BCAS1: variants seen among roughly 807,000 people sequenced by gnomAD.
BCAS1 encodes brain enriched myelin associated protein 1, also known as breast carcinoma-amplified sequence 1.
In BCAS1, 46 loss-of-function variants were observed where a neutral mutation model predicts 65.4. The ratio of observed to expected loss-of-function variants is 0.70; its 90% CI spans 0.55 to 0.90. The LOEUF (loss-of-function observed/expected upper bound fraction) is 0.90. Among genes scored for constraint, BCAS1 ranks in the 40% least tolerant of loss-of-function variants. The pLI, the probability that BCAS1 is intolerant of heterozygous loss-of-function variation, is 0.00. For synonymous variants in BCAS1, 298 were observed against 293.5 expected, an observed-to-expected ratio of 1.02 and a Z score of -0.16; for missense variants, 793 against 771.2, an observed-to-expected ratio of 1.03 and a Z score of -0.33.
At chr20:54,033,480 C>G (rs554560799) in intron 3 of BCAS1, among the ~76,000 whole-genome samples, 1 of 151,032 alleles carries the variant, frequency 6.6e-6, no homozygotes, top group Admixed American at 6.6e-5. Context: ...ACCACTGACC[C>G]CACAGAAGTA....
intron 1 of BCAS1, among the ~76,000 whole-genome samples, chr20:54,062,228 A>T (rs112426793): frequency 1.3e-4 from 20 of 152,244 alleles, no homozygotes; most frequent in African/African-American, 4.8e-4. Context: ...AACAATGACA[A>T]CAACTCTAAA....
Position 54,053,441 on chromosome 20 carries a change from T to G in BCAS1, c.142+4644A>C, listed in dbSNP as rs145027673. Reference sequence around the variant, plus strand: ...AAAGAGGTATTTTCCCTGATTGATATCTCTCACATTGTATCGAAAGACAAA... The same window carrying G: ...AAAGAGGTATTTTCCCTGATTGATAGCTCTCACATTGTATCGAAAGACAAA... On this transcript the variant is annotated intron_variant, in intron 3 of 12. Coordinates refer to ENST00000688948, the MANE Select transcript of BCAS1 (RefSeq NM_001366298.2). 2.9e-3 allele frequency among the ~76,000 whole-genome samples: 438 copies of G among 152,274 alleles called. 2 individuals are homozygous for G. Among genetic ancestry groups the G allele is most frequent in the African/African-American group, 9.9e-3 (413 of 41,560 alleles).
At chr20:54,017,405 T>TTTC (rs1411593945) in intron 4 of BCAS1, among the ~76,000 whole-genome samples, 3 of 133,982 alleles carry the variant, frequency 2.2e-5, no homozygotes, top group East Asian at 4.0e-4. Context: ...TTTTCTTTTT[T>TTTC]TTTTTTTTGA....
At chr20:53,964,318 T>C (rs915227212) in intron 10 of BCAS1, among the ~76,000 whole-genome samples, 2 of 152,336 alleles carry the variant, frequency 1.3e-5, no homozygotes, top group African/African-American at 4.8e-5. Context: ...GTAGGGACTT[T>C]AGTAAGCTGG....
intron 4 of BCAS1, among the ~76,000 whole-genome samples, chr20:54,013,867 AAG>A (rs1174569850): frequency 1.3e-5 from 2 of 152,234 alleles, no homozygotes; most frequent in Non-Finnish European, 2.9e-5. Flanking sequence ...AAGAAAGAAA[AAG>A]AATTTATGTT....
At chr20:54,023,133 G>T (rs1345762206) in intron 4 of BCAS1, among the ~76,000 whole-genome samples, 1 of 152,186 alleles carries the variant, frequency 6.6e-6, no homozygotes, top group Non-Finnish European at 1.5e-5. Flanking sequence ...TTGAAATTCG[G>T]TAATTCTTTT....
intron 1 of BCAS1, among the ~76,000 whole-genome samples, chr20:54,066,448 T>C (rs1488175694): frequency 6.6e-6 from 1 of 152,212 alleles, no homozygotes; most frequent in Non-Finnish European, 1.5e-5. Flanking sequence ...TCACTTAAGA[T>C]CATGCTATGG....
At chr20:53,990,584 A>G (rs1368427635) in intron 7 of BCAS1, among the ~76,000 whole-genome samples, 1 of 152,014 alleles carries the variant, frequency 6.6e-6, no homozygotes, top group Non-Finnish European at 1.5e-5. Flanking sequence ...CAGGTGACAA[A>G]CCCATGGGGA....
chr20:54,013,996 G>A (rs575397783), intron 4 of BCAS1, among the ~76,000 whole-genome samples: 226 of 152,234 alleles, frequency 1.5e-3, no homozygotes, highest in African/African-American at 4.7e-3. Context: ...AATATGTTAC[G>A]TATTAAAATT....
intron 4 of BCAS1, among the ~76,000 whole-genome samples, chr20:54,026,448 C>A (rs1350977443): frequency 6.6e-6 from 1 of 152,128 alleles, no homozygotes; most frequent in East Asian, 1.9e-4. Context: ...CATTGGAGGG[C>A]TGGCTATTCT....
chr20:53,993,808 C>T (rs899930383), intron 6 of BCAS1, among the ~76,000 whole-genome samples: 7 of 152,186 alleles, frequency 4.6e-5, no homozygotes, highest in Non-Finnish European at 5.9e-5. Flanking sequence ...GCTTCAGATA[C>T]ATATTTTTTT....
intron 3 of BCAS1, among the ~76,000 whole-genome samples, chr20:54,044,572 T>C (rs1770079213): frequency 6.6e-6 from 1 of 152,198 alleles, no homozygotes; most frequent in Admixed American, 6.5e-5. Flanking sequence ...GCGCGGTGGC[T>C]CATGCCTATA....
intron 1 of BCAS1, among the ~76,000 whole-genome samples, chr20:54,063,086 C>A (rs985096841): frequency 2.0e-5 from 3 of 152,162 alleles, no homozygotes; most frequent in Non-Finnish European, 4.4e-5. Context: ...CCTTCAGTGC[C>A]CCAAAGGTCC....
At chr20:54,027,450 G>C (rs918681869) in intron 4 of BCAS1, among the ~76,000 whole-genome samples, 4 of 152,192 alleles carry the variant, frequency 2.6e-5, no homozygotes, top group African/African-American at 9.7e-5. Flanking sequence ...CTTCGGAAGT[G>C]CAAAGTTGCA....
intron 4 of BCAS1, among the ~76,000 whole-genome samples, chr20:54,006,569 G>A (rs1489386591): frequency 1.3e-5 from 2 of 152,064 alleles, no homozygotes; most frequent in East Asian, 3.9e-4. Context: ...AATTAGCTAG[G>A]CGTGGTGGTG....
chr20:54,021,042 C>G (rs2091545557), intron 4 of BCAS1, among the ~76,000 whole-genome samples: 1 of 152,164 alleles, frequency 6.6e-6, no homozygotes, highest in African/African-American at 2.4e-5. Context: ...TTAATGATTT[C>G]CAGACAATGT....
chr20:53,983,002 T>C (rs970315609), intron 8 of BCAS1, among the ~76,000 whole-genome samples: 2 of 152,196 alleles, frequency 1.3e-5, no homozygotes, highest in Non-Finnish European at 2.9e-5. Context: ...ATATTTTTAA[T>C]GATATACTAA....
Position 53,985,414 on chromosome 20 carries a change from TTGCCAGCC to T in BCAS1, c.1140_1147del (p.Ala381GlufsTer18), listed in dbSNP as rs1289417848. The T allele has an allele frequency of 4.3e-6, 7 of 1,613,960 alleles. No homozygotes were observed. In the African/African-American group the frequency reaches 8.0e-5, roughly 18 times the overall value. ...CGATGGGTTGCATCCTTTGGAATTCTTGCCAGCCCCTTGGGTCTCCTGGGATGTAAAGT... is the reference window on the plus strand; with the variant it reads ...CGATGGGTTGCATCCTTTGGAATTCTCCTTGGGTCTCCTGGGATGTAAAGT... On this transcript the variant is annotated frameshift_variant, in exon 8 of 13. Transcript: ENST00000688948. LOFTEE classifies it high-confidence loss of function.
chr20:54,005,896 T>A (rs1474818855), intron 4 of BCAS1, among the ~76,000 whole-genome samples: 2 of 150,884 alleles, frequency 1.3e-5, no homozygotes, highest in Non-Finnish European at 3.0e-5. Context: ...TTGGGGAGGG[T>A]TTAGGGGGCA....
Sources: allele counts gnomAD v4.1 joint callset (sites outside exome capture counted in the v4.1 genomes callset), GRCh38; gene constraint gnomAD v4.1.1; transcripts MANE v1.5; gene names NCBI Gene and HGNC (gene_info 2026-07-23, HGNC 2026-07-21).